RBFOX1: variants seen among roughly 807,000 people sequenced by gnomAD.
RBFOX1 encodes the protein RNA binding protein fox-1 homolog 1.
Under a neutral mutation model 57.7 loss-of-function variants are expected in RBFOX1, and 8 were observed. The observed-to-expected ratio is 0.14, with a 90% confidence interval of 0.08 to 0.25. RBFOX1 has a LOEUF of 0.25. Ranked by LOEUF, RBFOX1 falls within the 10% of genes least tolerant of loss-of-function variation. The pLI, the probability that RBFOX1 is intolerant of heterozygous loss-of-function variation, is 1.00. For synonymous variants in RBFOX1, 326 were observed against 222.4 expected, an observed-to-expected ratio of 1.47 and a Z score of -4.15; for missense variants, 611 against 548.5, an observed-to-expected ratio of 1.11 and a Z score of -1.14.
chr16:6,092,083 T>C (rs1299889892), intron 1 of RBFOX1, among the ~76,000 whole-genome samples: 1 of 152,208 alleles, frequency 6.6e-6, no homozygotes. Flanking sequence ...GCAATCCTTC[T>C]GGAGTTCCAC....
chr16:6,074,074 G>T (rs182150307), intron 1 of RBFOX1, among the ~76,000 whole-genome samples: 238 of 152,058 alleles, frequency 1.6e-3, no homozygotes, highest in African/African-American at 5.6e-3. Flanking sequence ...TCAGCCTCCC[G>T]AGTAGCTGGG....
At chr16:7,653,076 T>C (rs1351124506) in intron 11 of RBFOX1, among the ~76,000 whole-genome samples, 2 of 152,240 alleles carry the variant, frequency 1.3e-5, no homozygotes, top group Non-Finnish European at 2.9e-5. Context: ...TATATATACA[T>C]GCACACATTC....
chr16:6,904,599 TAAAAAAAAAAAAA>T (rs71147623), intron 3 of RBFOX1, among the ~76,000 whole-genome samples: 52 of 64,032 alleles, frequency 8.1e-4, no homozygotes, highest in South Asian at 5.9e-3. Flanking sequence ...AGACTCTCTC[TAAAAAAAAAAAAA>T]AAAAAAAAAA....
rs2066633594 is a variant in RBFOX1 at position 7,490,449 on chromosome 16, C to A, written c.28-27698C>A. Among the ~76,000 whole-genome samples the A allele has an allele frequency of 3.3e-5, 5 of 152,250 alleles. No homozygotes were observed. In the East Asian group the frequency reaches 9.7e-4, roughly 29 times the overall value. ...GATTCTAGTTTCACTGTTTATAGTTCAAAATTTTCCAGCCAGCCAGGCTGT... is the reference window on the plus strand; with the variant it reads ...GATTCTAGTTTCACTGTTTATAGTTAAAAATTTTCCAGCCAGCCAGGCTGT... On this transcript the variant is annotated intron_variant, in intron 4 of 15. Coordinates refer to ENST00000550418, the MANE Select transcript of RBFOX1 (RefSeq NM_018723.4).
intron 4 of RBFOX1, among the ~76,000 whole-genome samples, chr16:7,502,931 G>T (rs1021060124): frequency 9.9e-5 from 15 of 152,238 alleles, no homozygotes; most frequent in African/African-American, 3.6e-4. Flanking sequence ...CCTGAGGCAG[G>T]AGAGTCGCTT....
intron 4 of RBFOX1, among the ~76,000 whole-genome samples, chr16:7,219,472 A>G (rs577329456): frequency 6.6e-6 from 1 of 152,348 alleles, no homozygotes; most frequent in Admixed American, 6.5e-5. Flanking sequence ...GTGTTCATTT[A>G]TAAATGCATC....
chr16:6,841,545 C>T (rs1426277579), intron 3 of RBFOX1, among the ~76,000 whole-genome samples: 2 of 152,120 alleles, frequency 1.3e-5, no homozygotes, highest in Admixed American at 6.5e-5. Context: ...GCTAATGAGG[C>T]GAGTATTACC....
At chr16:6,501,954 A>G (rs367873820) in intron 2 of RBFOX1, among the ~76,000 whole-genome samples, 1 of 152,166 alleles carries the variant, frequency 6.6e-6, no homozygotes, top group Non-Finnish European at 1.5e-5. Context: ...AACAAAATAG[A>G]TAAGATTTCT....
chr16:7,650,641 C>G lies in RBFOX1; in HGVS notation c.758-3174C>G, dbSNP rs557404986. 2.6e-5 allele frequency among the ~76,000 whole-genome samples: 4 copies of G among 152,300 alleles called. No homozygotes were observed. The South Asian group carries it at 8.3e-4, about 32-fold the overall frequency. On this transcript the variant is annotated intron_variant, in intron 11 of 15. Coordinates refer to ENST00000550418, the MANE Select transcript of RBFOX1 (RefSeq NM_018723.4). Reference sequence around the variant, plus strand: ...AATCCTCCAAGAATTATTGTAAAAGCTGCTTGTGGCTGAGAGGGAGCTTGT... The same window carrying G: ...AATCCTCCAAGAATTATTGTAAAAGGTGCTTGTGGCTGAGAGGGAGCTTGT...
intron 1 of RBFOX1, among the ~76,000 whole-genome samples, chr16:5,409,036 C>G (rs2066940337): frequency 6.6e-6 from 1 of 152,114 alleles, no homozygotes; most frequent in African/African-American, 2.4e-5. Context: ...CTGTGGCTAT[C>G]TCACGCTGTT....
At chr16:5,313,777 C>G (rs1395298439) in intron 1 of RBFOX1, among the ~76,000 whole-genome samples, 1 of 152,128 alleles carries the variant, frequency 6.6e-6, no homozygotes, top group Non-Finnish European at 1.5e-5. Context: ...GATTCAGTTA[C>G]CTCCCACTAG....
chr16:5,848,504 C>G (rs1374679655), intron 3 of RBFOX1, among the ~76,000 whole-genome samples: 2 of 152,156 alleles, frequency 1.3e-5, no homozygotes, highest in Non-Finnish European at 2.9e-5. Flanking sequence ...GGTTAAGAGA[C>G]TGGCCTAGTT....
intron 2 of RBFOX1, among the ~76,000 whole-genome samples, chr16:6,338,547 G>A (rs2084084199): frequency 6.6e-6 from 1 of 152,132 alleles, no homozygotes; most frequent in African/African-American, 2.4e-5. Context: ...GTTGAGCACT[G>A]GGACTAAAAT....
intron 3 of RBFOX1, among the ~76,000 whole-genome samples, chr16:6,687,069 A>G (rs994706856): frequency 6.6e-6 from 1 of 152,242 alleles, no homozygotes; most frequent in Admixed American, 6.5e-5. Context: ...AACAGCAGGT[A>G]TCTAGTTCCT....
intron 14 of RBFOX1, among the ~76,000 whole-genome samples, chr16:7,691,298 G>C (rs1396565863): frequency 6.6e-6 from 1 of 151,580 alleles, no homozygotes; most frequent in Non-Finnish European, 1.5e-5. Context: ...AGTCCCTTTT[G>C]TTCTGAAACT....
intron 2 of RBFOX1, among the ~76,000 whole-genome samples, chr16:6,453,086 A>C (rs2094674302): frequency 6.6e-6 from 1 of 152,158 alleles, no homozygotes; most frequent in Non-Finnish European, 1.5e-5. Context: ...AGTGGGGCAC[A>C]AAATAGACAA....
chr16:5,301,785 A>C lies in RBFOX1; in HGVS notation c.219+61680A>C, dbSNP rs550177832. On this transcript the variant is annotated intron_variant, in intron 1 of 2. Transcript: ENST00000585867. ...AGCCACCCAGATGAAACCCTGTAGA[A>C]ACTATGAGATAACAAATGTTTGCTG... is the stretch of plus-strand genomic sequence containing the variant. Among the ~76,000 whole-genome samples, 285 of 152,312 alleles carry C rather than the reference A, an allele frequency of 1.9e-3. 1 individual carries two copies. Among genetic ancestry groups the C allele is most frequent in the African/African-American group, 6.4e-3 (268 of 41,582 alleles).
At chr16:7,388,909 T>C (rs1283925738) in intron 4 of RBFOX1, among the ~76,000 whole-genome samples, 1 of 152,122 alleles carries the variant, frequency 6.6e-6, no homozygotes, top group African/African-American at 2.4e-5. Flanking sequence ...ACGATGAGTT[T>C]ATAGGGACAT....
chr16:6,977,486 C>G (rs934777855), intron 3 of RBFOX1, among the ~76,000 whole-genome samples: 1 of 151,966 alleles, frequency 6.6e-6, no homozygotes, highest in Non-Finnish European at 1.5e-5. Context: ...AGAATGCAGC[C>G]CAGCAAGTCC....
Sources: gnomAD v4.1 joint callset for allele counts (sites outside exome capture counted in the v4.1 genomes callset) on GRCh38, gnomAD v4.1.1 for gene constraint, MANE v1.5 for transcripts, NCBI Gene and HGNC (gene_info 2026-07-23, HGNC 2026-07-21) for gene names.